Variants in PRKCQ observed in about 807,000 individuals in gnomAD.
PRKCQ encodes the protein protein kinase C theta, also known as protein kinase C theta type.
Under a neutral mutation model 91.2 loss-of-function variants are expected in PRKCQ, and 41 were observed. The ratio of observed to expected loss-of-function variants is 0.45; its 90% CI spans 0.35 to 0.58. The LOEUF is 0.58. Ranked by LOEUF, PRKCQ falls within the 20% of genes least tolerant of loss-of-function variation. PRKCQ has a pLI of 0.00. For missense variants in PRKCQ, 673 were observed against 896.5 expected, an observed-to-expected ratio of 0.75 and a Z score of 3.18; for synonymous variants, 307 against 316.9, an observed-to-expected ratio of 0.97 and a Z score of 0.33.
intron 10 of PRKCQ, among the ~76,000 whole-genome samples, 190 bp from the exon 11 acceptor site, chr10:6,483,790 C>T (rs1265140793): frequency 1.3e-5 from 2 of 152,174 alleles, no homozygotes; most frequent in Non-Finnish European, 2.9e-5. Context: ...GCAGCACCCC[C>T]TGTCTGTGAG....
At chr10:6,456,912 G>A (rs866944372) in intron 14 of PRKCQ, 100 bp from the exon 15 acceptor site, 1 of 1,298,666 alleles carries the variant, frequency 7.7e-7, no homozygotes, top group Non-Finnish European at 1.1e-6. Context: ...TGCAGCCTGA[G>A]AGGGGCTCAC....
chr10:6,566,824 G>A lies in PRKCQ; in HGVS notation c.-10+13387C>T, dbSNP rs140212768. Among the ~76,000 whole-genome samples, 108 of 152,176 alleles carry A rather than the reference G, an allele frequency of 7.1e-4. 1 individual carries two copies. Among genetic ancestry groups the A allele is most frequent in the African/African-American group, 2.3e-3 (96 of 41,502 alleles). ...CCAAGGGTTTCTAGGGAGCTGGCCC[G>A]GAACACTTCTCAGTCAGATCCCCTA... On this transcript the variant is annotated intron_variant, in intron 1 of 17. Coordinates refer to ENST00000263125, the MANE Select transcript of PRKCQ (RefSeq NM_006257.5).
chr10:6,487,873 T>C (rs1447533174), intron 8 of PRKCQ, among the ~76,000 whole-genome samples: 1 of 151,846 alleles, frequency 6.6e-6, no homozygotes, highest in African/African-American at 2.4e-5. Context: ...GGTGTGGTGG[T>C]GCACATCTGT....
intron 1 of PRKCQ, among the ~76,000 whole-genome samples, chr10:6,578,270 C>T (rs1356590484): frequency 6.6e-6 from 1 of 152,210 alleles, no homozygotes; most frequent in Admixed American, 6.5e-5. Context: ...GCAATGAGGA[C>T]ATGTCTGTAG....
intron 1 of PRKCQ, among the ~76,000 whole-genome samples, chr10:6,577,698 T>C (rs1261390664): frequency 6.6e-6 from 1 of 152,170 alleles, no homozygotes; most frequent in African/African-American, 2.4e-5. Flanking sequence ...AATATAACCT[T>C]GTTAACAAAC....
At chr10:6,570,498 A>C (rs1483937203) in intron 1 of PRKCQ, among the ~76,000 whole-genome samples, 2 of 152,024 alleles carry the variant, frequency 1.3e-5, no homozygotes, top group Middle Eastern at 3.2e-3. Context: ...AACAAGAAAG[A>C]AATGGATTCC....
intron 8 of PRKCQ, among the ~76,000 whole-genome samples, chr10:6,487,748 A>G (rs993750425): frequency 7.9e-5 from 12 of 152,178 alleles, no homozygotes; most frequent in Non-Finnish European, 5.9e-5. Context: ...CTGTAATCCC[A>G]GCACTTTGGG....
intron 8 of PRKCQ, among the ~76,000 whole-genome samples, chr10:6,488,758 T>C (rs1837082104): frequency 6.6e-6 from 1 of 152,074 alleles, no homozygotes; most frequent in African/African-American, 2.4e-5. Flanking sequence ...CAAAATCTTT[T>C]CTGCATATTT....
chr10:6,580,437 G>A (rs1841438250), upstream of PRKCQ: 1 of 152,082 alleles, frequency 6.6e-6, no homozygotes, highest in East Asian at 1.9e-4. Flanking sequence ...CCAGGGACGC[G>A]CGCTCGGTCC....
At position 6,465,774 on chromosome 10, in the gene PRKCQ, A is replaced by G. The variant is rs1464343719; in HGVS notation, c.1354-1370T>C. Reference sequence around the variant, plus strand: ...ACCAAGTATTGTGGCAATTATCTCAATAATCCAGGTCAAGGTAAGCATCCG... The same window carrying G: ...ACCAAGTATTGTGGCAATTATCTCAGTAATCCAGGTCAAGGTAAGCATCCG... On this transcript the variant is annotated intron_variant, in intron 12 of 17. Transcript: ENST00000263125. The surrounding 1 kb of genome is among the most constrained non-coding windows in gnomAD (Gnocchi z 4.4). Among the ~76,000 whole-genome samples the G allele has an allele frequency of 6.6e-6, 1 of 152,242 alleles. No individual in the cohort carries two copies. Among genetic ancestry groups the G allele is most frequent in the African/African-American group, 2.4e-5 (1 of 41,472 alleles).
At chr10:6,553,512 A>ATAAAATT (rs375879407) in intron 1 of PRKCQ, among the ~76,000 whole-genome samples, 1 of 140,852 alleles carries the variant, frequency 7.1e-6, no homozygotes, top group African/African-American at 2.7e-5. Flanking sequence ...AAAAAAAAAA[A>ATAAAATT]AAAAACAAAC....
intron 16 of PRKCQ, among the ~76,000 whole-genome samples, chr10:6,439,074 C>G (rs1429749132): frequency 1.3e-5 from 2 of 152,202 alleles, no homozygotes; most frequent in Non-Finnish European, 2.9e-5. Flanking sequence ...TATTTCGCAT[C>G]CTCAAAAAAG....
At chr10:6,529,771 A>G (rs535199445) in intron 1 of PRKCQ, among the ~76,000 whole-genome samples, 2 of 152,278 alleles carry the variant, frequency 1.3e-5, no homozygotes, top group South Asian at 4.1e-4. Context: ...AAGGTATATA[A>G]TGGACCCACT....
At chr10:6,408,644 TGCGCCTAGCCTTG>T in the PRKCQ span, among the ~76,000 whole-genome samples, 2 of 152,250 alleles carry the variant, frequency 1.3e-5, no homozygotes. Flanking sequence ...CGTGAGCCAC[TGCGCCTAGCCTTG>T]GCAAGACTGC....
chr10:6,562,350 T>C (rs1840667467), intron 1 of PRKCQ, among the ~76,000 whole-genome samples: 1 of 152,086 alleles, frequency 6.6e-6, no homozygotes, highest in Non-Finnish European at 1.5e-5. Context: ...TCCAAATCTC[T>C]CTAAACACCA....
chr10:6,525,229 T>C (rs1179294836), intron 1 of PRKCQ, among the ~76,000 whole-genome samples: 1 of 151,182 alleles, frequency 6.6e-6, no homozygotes, highest in Non-Finnish European at 1.5e-5. Flanking sequence ...TCATCAAATA[T>C]CCTATTAATT....
the PRKCQ span, among the ~76,000 whole-genome samples, chr10:6,413,732 C>CAG: frequency 2.9e-5 from 1 of 34,768 alleles, no homozygotes; most frequent in Non-Finnish European, 7.2e-5. Flanking sequence ...TGTGCGCGCG[C>CAG]ACACACACAC....
chr10:6,515,687 C>T (rs1211466833), intron 1 of PRKCQ, among the ~76,000 whole-genome samples: 2 of 152,174 alleles, frequency 1.3e-5, no homozygotes, highest in Non-Finnish European at 2.9e-5. Flanking sequence ...CTGCTTTCTT[C>T]ACAGTTACAC....
chr10:6,527,096 C>G (rs185465394), intron 1 of PRKCQ, among the ~76,000 whole-genome samples: 1 of 152,090 alleles, frequency 6.6e-6, no homozygotes, highest in Non-Finnish European at 1.5e-5. Context: ...GGGAGCACTG[C>G]GGGAAGAACT....
Sources: allele counts gnomAD v4.1 joint callset (sites outside exome capture counted in the v4.1 genomes callset), GRCh38; gene constraint gnomAD v4.1.1; non-coding constraint Gnocchi (gnomAD v3.1); transcripts MANE v1.5; gene names NCBI Gene and HGNC (gene_info 2026-07-23, HGNC 2026-07-21).